The following RAB40B variants were observed in gnomAD, a reference collection of about 807,000 sequenced individuals.
RAB40B encodes ras-related protein Rab-40B.
A neutral mutation model predicts 24.0 loss-of-function variants in RAB40B; 21 were observed. The observed-to-expected ratio is 0.88, with a 90% CI of 0.62 to 1.26. The LOEUF is 1.26. Ranked by LOEUF, RAB40B falls within the 50% of genes most tolerant of loss-of-function variation. RAB40B has a pLI of 0.00. For missense variants in RAB40B, 348 were observed against 390.5 expected (o/e 0.89, Z 0.92); for synonymous variants, 167 against 169.8 (o/e 0.98, Z 0.13).
At chr17:82,672,582 G>C (rs1011143582) in intron 1 of RAB40B, among the ~76,000 whole-genome samples, 23 of 152,214 alleles carry the variant, frequency 1.5e-4, no homozygotes, top group Non-Finnish European at 3.1e-4. Context: ...GATTAGGTAG[G>C]GTCAGCAGGG....
intron 1 of RAB40B, among the ~76,000 whole-genome samples, chr17:82,689,107 A>T (rs894148340): frequency 2.6e-5 from 4 of 152,270 alleles, no homozygotes; most frequent in Admixed American, 2.6e-4. Flanking sequence ...CTGAATGTGA[A>T]CAGTACCCAC....
intron 1 of RAB40B, among the ~76,000 whole-genome samples, chr17:82,690,143 T>G (rs2451200): frequency 0.99 from 151,349 of 152,348 alleles, 75,186 homozygotes; most frequent in East Asian, 1. Flanking sequence ...GCTGTATTAA[T>G]CAGCAAATCC....
intron 1 of RAB40B, among the ~76,000 whole-genome samples, chr17:82,684,220 CAAA>C (rs34778953): frequency 8.3e-6 from 1 of 120,336 alleles, no homozygotes. Flanking sequence ...GACTCTGTCT[CAAA>C]AAAAAAAAAA....
Position 82,658,105 on chromosome 17 carries a change from C to T in RAB40B, c.595G>A (p.Ala199Thr). 6.2e-7 allele frequency: 1 copy of T among 1,614,140 alleles called. No individual in the cohort carries two copies. The highest frequency in any genetic ancestry group is 8.5e-7 in the Non-Finnish European group (1 of 1,180,018). ...VLSLQDLCCRAVVSCTPVHLV... is the reference protein window; with the variant it reads ...VLSLQDLCCRTVVSCTPVHLV... The stretch of plus-strand genomic sequence containing the variant: ...TGCACCGGCGTGCAGGACACGACCG[C>T]CCGGCAGCAGAGGTCTTGCAAGCTC... Residue 199 changes from alanine (A) to threonine (T), a missense_variant, in exon 6 of 6, where the codon GCG becomes ACG. This residue lies in a region of RAB40B where 121 missense variants were observed against 124.0 expected (regional missense o/e 0.98). Coordinates refer to ENST00000571995, the MANE Select transcript of RAB40B (RefSeq NM_006822.3).
At chr17:82,683,484 G>A (rs772577082) in intron 1 of RAB40B, among the ~76,000 whole-genome samples, 1 of 152,044 alleles carries the variant, frequency 6.6e-6, no homozygotes, top group Non-Finnish European at 1.5e-5. Flanking sequence ...AACAATTCAG[G>A]TTTTTCAAAA....
In RAB40B at chr17:82,677,645, G is replaced by A. The variant is rs541521710; in HGVS notation, c.143-13089C>T. 1.4e-4 allele frequency among the ~76,000 whole-genome samples: 22 copies of A among 152,210 alleles called. No individual in the cohort carries two copies. In the East Asian group the frequency reaches 3.7e-3, roughly 25 times the overall value. On this transcript the variant is annotated intron_variant, in intron 1 of 5. Coordinates refer to ENST00000571995, the MANE Select transcript of RAB40B (RefSeq NM_006822.3). ...TTCCCGTGTCCACCTTCCAATCCTC[G>A]TCCACCACCCGTCTCCAGGGCCAGC...
chr17:82,698,508 A>C lies in RAB40B; in HGVS notation c.89T>G (p.Ile30Ser). 1 of 1,520,738 alleles carries C rather than the reference A, an allele frequency of 6.6e-7. No homozygotes were observed. Among genetic ancestry groups the C allele is most frequent in the South Asian group, 1.2e-5 (1 of 84,838 alleles). 94.2% of individuals were successfully genotyped at this position (1,520,738 alleles called of 1,614,324 possible). A position where few individuals can be genotyped will look rare whatever the true frequency, so the allele number is the denominator to read the frequency against. The change falls in exon 1 of 6, where the codon ATC (isoleucine) becomes AGC (serine). Residue 30 changes from isoleucine to serine, a missense_variant. Transcript: ENST00000571995. ...VGDSDVGKGE[I>S]LASLQDGAAE... ...CGCGCCATCCTGCAGGCTCGCCAGG[A>C]TCTCGCCCTTGCCCACGTCGCTGTC...
intron 1 of RAB40B, 106 bp downstream of exon 1, chr17:82,698,349 G>T: frequency 3.0e-6 from 1 of 331,012 alleles, no homozygotes; most frequent in Non-Finnish European, 3.9e-6. Context: ...ACCCCTGCCC[G>T]GTCTCGCGTC....
Position 82,658,694 on chromosome 17 carries a change from T to C in RAB40B, c.362A>G (p.Lys121Arg), listed in dbSNP as rs763945727. 4.3e-6 allele frequency: 7 copies of C among 1,612,142 alleles called. No individual in the cohort carries two copies. Among genetic ancestry groups the C allele is most frequent in the Non-Finnish European group, 5.1e-6 (6 of 1,179,262 alleles). ...GTGCAGGCGGTTCCCCACCAGGATC[T>C]TGGGGACTCCGGGGGCATGCTAGCG... ...EIDEHAPGVPKILVGNRLHLA... is the reference protein window; with the variant it reads ...EIDEHAPGVPRILVGNRLHLA... The change falls in exon 5 of 6, where the codon AAG (lysine) becomes AGG (arginine). Residue 121 changes from lysine (K) to arginine (R), a missense_variant. Lys to Arg is a conservative substitution (Grantham distance 26, BLOSUM62 2). This residue lies in a region of RAB40B where 126 missense variants were observed against 181.0 expected (regional missense o/e 0.70). Coordinates refer to ENST00000571995, the MANE Select transcript of RAB40B (RefSeq NM_006822.3).
chr17:82,662,599 CTCCGGGGTCCACGG>C, intron 2 of RAB40B: 1 of 985,284 alleles, frequency 1.0e-6, no homozygotes, highest in Non-Finnish European at 1.2e-6. Context: ...GGGGTCCACA[CTCCGGGGTCCACGG>C]TGGGAGTGTG....
chr17:82,674,674 G>A (rs980911082), intron 1 of RAB40B, among the ~76,000 whole-genome samples: 2 of 151,296 alleles, frequency 1.3e-5, no homozygotes, highest in Admixed American at 6.6e-5. Flanking sequence ...AAAAGAAAAA[G>A]CAACCTAAAA....
intron 4 of RAB40B, 48 bp from the exon 5 acceptor site, chr17:82,658,761 TTTG>T: frequency 6.5e-7 from 1 of 1,533,104 alleles, no homozygotes; most frequent in Non-Finnish European, 8.8e-7. Context: ...TCAGTGAGAT[TTTG>T]TTGTCGTCGT....
chr17:82,672,242 C>T (rs11656603), intron 1 of RAB40B, among the ~76,000 whole-genome samples: 3,155 of 109,824 alleles, frequency 0.029, 4 homozygotes, highest in African/African-American at 0.065. Flanking sequence ...CACACTCACA[C>T]GCTCCCTGTA....
At chr17:82,660,314 A>G (rs887803814) in intron 3 of RAB40B, among the ~76,000 whole-genome samples, 1 of 151,740 alleles carries the variant, frequency 6.6e-6, no homozygotes, top group Admixed American at 6.6e-5. Flanking sequence ...GCACTCATGC[A>G]CAGACTCATA....
At chr17:82,668,811 G>A (rs1049003300) in intron 1 of RAB40B, among the ~76,000 whole-genome samples, 1 of 152,250 alleles carries the variant, frequency 6.6e-6, no homozygotes, top group African/African-American at 2.4e-5. Context: ...CAGGGAAGGC[G>A]GAGCTGCTGC....
chr17:82,657,816 C>T lies in RAB40B; in HGVS notation c.*47G>A, dbSNP rs373168157. ...ATCCACCAGCTGCCGGGGGTAACGC[C>T]GAGCTTCTCCTGGAGAGATTCCGCC... On this transcript the variant is annotated 3_prime_UTR_variant, in exon 6 of 6. Transcript: ENST00000571995. The T allele has an allele frequency of 4.2e-5, 68 of 1,608,252 alleles. 1 individual carries two copies. The highest frequency in any genetic ancestry group is 3.6e-4 in the African/African-American group (27 of 74,400).
At position 82,698,604 on chromosome 17, in the gene RAB40B, G is replaced by A. The variant is rs764022512; in HGVS notation, c.-8C>T. On this transcript the variant is annotated 5_prime_UTR_variant, in exon 1 of 6. Transcript: ENST00000571995. ...GCTGCCCAGGGCGCTCATCGTGACG[G>A]CCCGGCGCCCCCACCCATGCCCGGC... 1.4e-6 allele frequency: 2 copies of A among 1,444,990 alleles called. No homozygotes were observed. The highest frequency in any genetic ancestry group is 1.5e-5 in the African/African-American group (1 of 67,984). 89.5% of individuals were successfully genotyped at this position (1,444,990 alleles called of 1,614,324 possible).
At chr17:82,687,097 C>T (rs1439603066) in intron 1 of RAB40B, among the ~76,000 whole-genome samples, 1 of 151,800 alleles carries the variant, frequency 6.6e-6, no homozygotes, top group Non-Finnish European at 1.5e-5. Flanking sequence ...CCCGATGATG[C>T]CCAGATCTGA....
chr17:82,684,856 G>A (rs1435076600), intron 1 of RAB40B, among the ~76,000 whole-genome samples: 2 of 152,170 alleles, frequency 1.3e-5, no homozygotes, highest in African/African-American at 4.8e-5. Flanking sequence ...GCCCACGCCT[G>A]TAATCCTAGA....
Sources: allele counts gnomAD v4.1 joint callset (sites outside exome capture counted in the v4.1 genomes callset), GRCh38; gene constraint gnomAD v4.1.1; regional missense constraint gnomAD v4.1.1; transcripts MANE v1.5; gene names NCBI Gene and HGNC (gene_info 2026-07-23, HGNC 2026-07-21).